Variants in CSMD1 observed in about 807,000 individuals in gnomAD.
CSMD1 encodes CUB and Sushi multiple domains 1, also known as CUB and sushi domain-containing protein 1.
In CSMD1, 213 loss-of-function variants were observed where a neutral mutation model predicts 417.5. That is an observed-to-expected ratio of 0.51 (90% CI 0.46 to 0.57). The LOEUF (loss-of-function observed/expected upper bound fraction) is 0.57, where lower values mean the gene tolerates loss of function less well. CSMD1 is among the 20% of genes least tolerant of loss of function. The pLI is 0.00. For synonymous variants in CSMD1, 2,862 were observed against 1,736.8 expected (o/e 1.65, Z -16.11); for missense variants, 6,923 against 4,529.7 (o/e 1.53, Z -15.17).
chr8:3,642,190 A>C (rs758164682), intron 7 of CSMD1, among the ~76,000 whole-genome samples: 4 of 151,492 alleles, frequency 2.6e-5, no homozygotes, highest in African/African-American at 4.8e-5. Flanking sequence ...AATATATAAT[A>C]TATAGAAGAT....
At chr8:3,470,267 G>C (rs774727067) in intron 11 of CSMD1, among the ~76,000 whole-genome samples, 1 of 152,086 alleles carries the variant, frequency 6.6e-6, no homozygotes, top group Non-Finnish European at 1.5e-5. Context: ...TTGTAGTATT[G>C]TTTCATTTAC....
chr8:3,647,221 G>T (rs564562843), intron 7 of CSMD1, among the ~76,000 whole-genome samples: 4 of 152,168 alleles, frequency 2.6e-5, no homozygotes, highest in Non-Finnish European at 4.4e-5. Flanking sequence ...AAATATCTAT[G>T]CTGTGAAACT....
At chr8:3,904,816 T>C (rs1168291081) in intron 5 of CSMD1, among the ~76,000 whole-genome samples, 1 of 152,092 alleles carries the variant, frequency 6.6e-6, no homozygotes, top group Non-Finnish European at 1.5e-5. Context: ...TTTGTATTTT[T>C]AGTAAAGATG....
At chr8:4,566,801 A>C (rs986546104) in intron 2 of CSMD1, among the ~76,000 whole-genome samples, 3 of 152,040 alleles carry the variant, frequency 2.0e-5, no homozygotes, top group Non-Finnish European at 4.4e-5. Flanking sequence ...GTTTGTTTGC[A>C]AATTGTTTCA....
intron 3 of CSMD1, among the ~76,000 whole-genome samples, chr8:4,126,529 G>C (rs995855702): frequency 1.3e-5 from 2 of 152,194 alleles, no homozygotes; most frequent in African/African-American, 4.8e-5. Flanking sequence ...CTGATGGTCA[G>C]TGCTGCAGGG....
At chr8:3,560,283 C>G (rs946334972) in intron 10 of CSMD1, among the ~76,000 whole-genome samples, 41 of 151,962 alleles carry the variant, frequency 2.7e-4, no homozygotes, top group African/African-American at 8.9e-4. Context: ...GAAGCATTTC[C>G]ACATGCATCA....
At chr8:2,996,743 T>C (rs558824428) in intron 54 of CSMD1, among the ~76,000 whole-genome samples, 3 of 152,226 alleles carry the variant, frequency 2.0e-5, no homozygotes, top group Non-Finnish European at 2.9e-5. Flanking sequence ...TTTCTCGTGA[T>C]TGTGAAACTA....
intron 1 of CSMD1, among the ~76,000 whole-genome samples, chr8:4,910,695 ATG>A (rs1805604465): frequency 6.6e-6 from 1 of 152,204 alleles, no homozygotes; most frequent in Non-Finnish European, 1.5e-5. Context: ...AGTCATAGAA[ATG>A]TGTTTTAAGA....
intron 7 of CSMD1, among the ~76,000 whole-genome samples, chr8:3,636,837 T>G (rs1412910331): frequency 6.6e-6 from 1 of 152,216 alleles, no homozygotes; most frequent in African/African-American, 2.4e-5. Context: ...TATATGAGTT[T>G]AAATGTCCCT....
rs74540410 is a variant in CSMD1, at chr8:4,372,601, C to T, written c.415+47352G>A. On this transcript the variant is annotated intron_variant, in intron 3 of 69. Coordinates refer to ENST00000635120, the MANE Select transcript of CSMD1 (RefSeq NM_033225.6). The stretch of plus-strand genomic sequence containing the variant: ...TGAGGTACACTTAAAACAAGGTGAG[C>T]GTTTTTACTGTCAGAAAGTAAGGAA... Among the ~76,000 whole-genome samples, 1,431 of 148,890 alleles carry T rather than the reference C, an allele frequency of 9.6e-3. 16 individuals are homozygous for T. The highest frequency in any genetic ancestry group is 0.028 in the African/African-American group (1,145 of 40,290).
At chr8:3,311,506 TCC>T (rs1287955554) in intron 23 of CSMD1, among the ~76,000 whole-genome samples, 20 of 148,226 alleles carry the variant, frequency 1.3e-4, no homozygotes, top group African/African-American at 5.3e-4. Context: ...TGCCTCGGTC[TCC>T]GAAAGTGCTG....
chr8:2,980,180 G>C lies in CSMD1; in HGVS notation c.8378-1380C>G, dbSNP rs927388863. Reference sequence around the variant, plus strand: ...GACTGTCCAAAAATAATTTCAAACTGTGTTTGTAATCAAAGCAGAGAAAGC... The same window carrying C: ...GACTGTCCAAAAATAATTTCAAACTCTGTTTGTAATCAAAGCAGAGAAAGC... On this transcript the variant is annotated intron_variant, in intron 54 of 69. Coordinates refer to ENST00000635120, the MANE Select transcript of CSMD1 (RefSeq NM_033225.6). Among the ~76,000 whole-genome samples, 9 of 152,330 alleles carry C rather than the reference G, an allele frequency of 5.9e-5. No homozygotes were observed. The East Asian group carries it at 1.7e-3, about 29-fold the overall frequency.
intron 3 of CSMD1, among the ~76,000 whole-genome samples, chr8:4,086,002 A>C (rs1361265192): frequency 6.6e-6 from 1 of 152,230 alleles, no homozygotes; most frequent in Non-Finnish European, 1.5e-5. Flanking sequence ...TAAAAGAAGG[A>C]GCAAGGACTA....
chr8:4,462,628 T>C (rs944846981), intron 2 of CSMD1, among the ~76,000 whole-genome samples: 1 of 152,216 alleles, frequency 6.6e-6, no homozygotes, highest in African/African-American at 2.4e-5. Context: ...CCATTATGCT[T>C]GCATTAGACA....
chr8:2,968,554 G>A (rs1804169411), intron 57 of CSMD1, among the ~76,000 whole-genome samples: 1 of 152,188 alleles, frequency 6.6e-6, no homozygotes, highest in East Asian at 1.9e-4. Context: ...ATATTGTACT[G>A]TGGAAAGTAA....
intron 3 of CSMD1, among the ~76,000 whole-genome samples, chr8:4,053,328 G>C (rs2554537): frequency 0.86 from 131,223 of 152,240 alleles, 56,692 homozygotes; most frequent in South Asian, 0.94. Context: ...ATAAAAATCA[G>C]ACTGACCTTT....
intron 3 of CSMD1, among the ~76,000 whole-genome samples, chr8:4,327,997 T>G (rs1799653212): frequency 6.6e-6 from 1 of 152,208 alleles, no homozygotes; most frequent in South Asian, 2.1e-4. Context: ...CCAGTAAACT[T>G]TATTCATTTG....
At chr8:3,276,361 T>C (rs145074825) in intron 26 of CSMD1, among the ~76,000 whole-genome samples, 1 of 152,152 alleles carries the variant, frequency 6.6e-6, no homozygotes, top group Non-Finnish European at 1.5e-5. Flanking sequence ...CCATCTTCTG[T>C]GTCGTTCACG....
chr8:3,972,223 A>G (rs1360592258), intron 5 of CSMD1, among the ~76,000 whole-genome samples: 1 of 148,602 alleles, frequency 6.7e-6, no homozygotes, highest in East Asian at 1.9e-4. Flanking sequence ...AAGCAGGGAG[A>G]AAAAAAAAAG....
Sources: gnomAD v4.1 joint callset for allele counts (sites outside exome capture counted in the v4.1 genomes callset) on GRCh38, gnomAD v4.1.1 for gene constraint, MANE v1.5 for transcripts, NCBI Gene and HGNC (gene_info 2026-07-23, HGNC 2026-07-21) for gene names.